The following ARL6IP6 variants were observed in gnomAD, a reference collection of about 807,000 sequenced individuals.
ARL6IP6 encodes the protein ADP-ribosylation factor-like protein 6-interacting protein 6.
A neutral mutation model predicts 21.5 loss-of-function variants in ARL6IP6; 22 were observed. The ratio of observed to expected loss-of-function variants is 1.02; its 90% CI spans 0.73 to 1.46. The LOEUF is 1.46. Ranked by LOEUF, ARL6IP6 falls within the 40% of genes most tolerant of loss-of-function variation. ARL6IP6 has a pLI of 0.00. For synonymous variants in ARL6IP6, 164 were observed against 125.3 expected, an observed-to-expected ratio of 1.31 and a Z score of -2.06; for missense variants, 388 against 299.8, an observed-to-expected ratio of 1.29 and a Z score of -2.17.
intron 2 of ARL6IP6, among the ~76,000 whole-genome samples, chr2:152,727,624 T>C (rs929646342): frequency 2.0e-5 from 3 of 152,186 alleles, no homozygotes; most frequent in African/African-American, 7.2e-5. Flanking sequence ...TTACACTGTA[T>C]TTTTACTGTA....
chr2:152,754,869 T>G (rs1701504887), intron 3 of ARL6IP6, among the ~76,000 whole-genome samples: 1 of 152,160 alleles, frequency 6.6e-6, no homozygotes, highest in South Asian at 2.1e-4. Flanking sequence ...GCTATTTGTA[T>G]GTATGTGGGC....
chr2:152,731,118 A>G (rs1172435961), intron 2 of ARL6IP6, among the ~76,000 whole-genome samples: 1 of 152,168 alleles, frequency 6.6e-6, no homozygotes, highest in African/African-American at 2.4e-5. Flanking sequence ...CCCTGATTAT[A>G]TCTGTACACT....
chr2:152,751,157 G>A (rs2105176917), intron 3 of ARL6IP6, among the ~76,000 whole-genome samples: 1 of 151,948 alleles, frequency 6.6e-6, no homozygotes, highest in South Asian at 2.1e-4. Flanking sequence ...TTACTTGAAT[G>A]GAAATTTTTT....
intron 1 of ARL6IP6, among the ~76,000 whole-genome samples, chr2:152,719,312 G>C (rs3748939): frequency 0.83 from 125,852 of 152,130 alleles, 52,175 homozygotes; most frequent in Admixed American, 0.86. Flanking sequence ...GAAATATTGT[G>C]AAGATTAAAC....
At chr2:152,755,348 C>T (rs1000519651) in intron 3 of ARL6IP6, among the ~76,000 whole-genome samples, 13 of 152,130 alleles carry the variant, frequency 8.5e-5, no homozygotes, top group African/African-American at 3.1e-4. Flanking sequence ...TACTCCTCCA[C>T]CTCTTGTGGA....
At chr2:152,730,609 A>G (rs949804545) in intron 2 of ARL6IP6, among the ~76,000 whole-genome samples, 12 of 151,994 alleles carry the variant, frequency 7.9e-5, no homozygotes, top group Admixed American at 6.6e-4. Context: ...ACCCAATTCC[A>G]GGTTGGGTTG....
Position 152,719,554 on chromosome 2 carries a change from C to G in ARL6IP6, c.400+530C>G, listed in dbSNP as rs565021020. Among the ~76,000 whole-genome samples, 22 of 152,224 alleles carry G rather than the reference C, an allele frequency of 1.4e-4. 2 individuals are homozygous for G. The South Asian group carries it at 2.9e-3, about 20-fold the overall frequency. The stretch of plus-strand genomic sequence containing the variant: ...GTATCCAGGTGTAGTGCACGGAGTT[C>G]TGTTGCAGAAAGTATAGTCCACTCG... On this transcript the variant is annotated intron_variant, in intron 1 of 3. Transcript: ENST00000326446.
chr2:152,718,125 G>C (rs1699282227), upstream of ARL6IP6: 1 of 951,610 alleles, frequency 1.1e-6, no homozygotes. Context: ...GCCAGGTAGA[G>C]AGGTGCCCTT....
chr2:152,747,773 G>A (rs895661336), intron 3 of ARL6IP6, among the ~76,000 whole-genome samples: 2 of 152,230 alleles, frequency 1.3e-5, no homozygotes, highest in Middle Eastern at 3.4e-3. Flanking sequence ...GTTTCACCAT[G>A]TTGGCCAGGC....
intron 2 of ARL6IP6, among the ~76,000 whole-genome samples, chr2:152,724,578 C>T (rs1699948779): frequency 6.6e-6 from 1 of 152,122 alleles, no homozygotes; most frequent in Non-Finnish European, 1.5e-5. Flanking sequence ...CACATAAAAG[C>T]AGTAATAAGA....
chr2:152,723,084 G>C (rs1699868385), intron 2 of ARL6IP6, among the ~76,000 whole-genome samples: 1 of 152,178 alleles, frequency 6.6e-6, no homozygotes, highest in Non-Finnish European at 1.5e-5. Context: ...AAGGTAGGAT[G>C]GTTCTCTCAA....
intron 2 of ARL6IP6, 40 bp from the exon 3 acceptor site, chr2:152,734,954 T>A: frequency 6.3e-7 from 1 of 1,579,170 alleles, no homozygotes; most frequent in Non-Finnish European, 8.7e-7. Context: ...ATTGTTTTGG[T>A]GTTAATAATG....
chr2:152,723,998 TG>T (rs1464575951), intron 2 of ARL6IP6, among the ~76,000 whole-genome samples: 1 of 151,628 alleles, frequency 6.6e-6, no homozygotes, highest in Non-Finnish European at 1.5e-5. Context: ...TGTGGCTGGG[TG>T]GGGTAGCTCT....
At chr2:152,746,849 G>A (rs1341404109) in intron 3 of ARL6IP6, among the ~76,000 whole-genome samples, 4 of 38,310 alleles carry the variant, frequency 1.0e-4, no homozygotes, top group African/African-American at 3.2e-4. Flanking sequence ...TTTTTTTGAG[G>A]TCTTGCTTTG....
chr2:152,755,622 A>G (rs1701551872), intron 3 of ARL6IP6, among the ~76,000 whole-genome samples: 1 of 152,180 alleles, frequency 6.6e-6, no homozygotes, highest in African/African-American at 2.4e-5. Context: ...CCCCCTGTCC[A>G]GTGGACACGT....
chr2:152,726,804 T>C (rs749128946), intron 2 of ARL6IP6, among the ~76,000 whole-genome samples: 1 of 152,218 alleles, frequency 6.6e-6, no homozygotes, highest in Non-Finnish European at 1.5e-5. Flanking sequence ...TTTAGTGGCA[T>C]TGCAACTGTC....
At chr2:152,720,321 A>G (rs575427244) in intron 1 of ARL6IP6, 6 of 579,990 alleles carry the variant, frequency 1.0e-5, no homozygotes, top group East Asian at 5.9e-5. Flanking sequence ...CTCTCATCCT[A>G]TGTACGGTAT....
chr2:152,756,578 G>T (rs1274110103), intron 3 of ARL6IP6, among the ~76,000 whole-genome samples: 5 of 151,956 alleles, frequency 3.3e-5, no homozygotes, highest in Non-Finnish European at 4.4e-5. Context: ...TTTAACAAAA[G>T]ATTTGTATCT....
chr2:152,744,774 A>C (rs920136435), intron 3 of ARL6IP6, among the ~76,000 whole-genome samples: 7 of 152,116 alleles, frequency 4.6e-5, no homozygotes, highest in African/African-American at 1.7e-4. Context: ...TTTAGAAAAC[A>C]TGCTTTTAAT....
Sources: allele counts gnomAD v4.1 joint callset (sites outside exome capture counted in the v4.1 genomes callset), GRCh38; gene constraint gnomAD v4.1.1; transcripts MANE v1.5; gene names NCBI Gene and HGNC (gene_info 2026-07-23, HGNC 2026-07-21).